RYR3: variants seen among roughly 807,000 people sequenced by gnomAD.
RYR3 encodes brain ryanodine receptor-calcium release channel.
Under a neutral mutation model 584.3 loss-of-function variants are expected in RYR3, and 207 were observed. That is an observed-to-expected ratio of 0.35 (90% CI 0.32 to 0.40). RYR3 has a LOEUF of 0.40. Among genes scored for constraint, RYR3 ranks in the 10% least tolerant of loss-of-function variants. The probability of loss-of-function intolerance (pLI) is 1.00; values close to 1 mark genes in which losing one functional copy is unlikely to be tolerated. For missense variants in RYR3, 5,616 were observed against 6,089.2 expected, an observed-to-expected ratio of 0.92 and a Z score of 2.59; for synonymous variants, 2,416 against 2,248.5, an observed-to-expected ratio of 1.07 and a Z score of -2.11.
At chr15:33,494,314 C>A (rs1266356202) in intron 2 of RYR3, among the ~76,000 whole-genome samples, 3 of 152,124 alleles carry the variant, frequency 2.0e-5, no homozygotes, top group Non-Finnish European at 2.9e-5. Context: ...AATTTGATAA[C>A]CTTCTCCAAT....
chr15:33,749,144 A>G (rs927056221), intron 55 of RYR3, among the ~76,000 whole-genome samples: 1 of 152,192 alleles, frequency 6.6e-6, no homozygotes, highest in South Asian at 2.1e-4. Flanking sequence ...ACCAAAATAA[A>G]TAAGACAGCT....
chr15:33,595,681 A>G (rs1455848139), intron 16 of RYR3, among the ~76,000 whole-genome samples: 2 of 152,128 alleles, frequency 1.3e-5, no homozygotes, highest in African/African-American at 2.4e-5. Context: ...TGAGCCTTCA[A>G]TTGCTATCAG....
chr15:33,563,210 GA>G (rs1238669273), intron 11 of RYR3, among the ~76,000 whole-genome samples, 200 bp downstream of exon 11: 1 of 152,152 alleles, frequency 6.6e-6, no homozygotes, highest in African/African-American at 2.4e-5. Flanking sequence ...TTCAATGGGG[GA>G]AAAAACAAAT....
intron 16 of RYR3, among the ~76,000 whole-genome samples, chr15:33,591,934 A>G (rs1365126466): frequency 6.6e-6 from 1 of 152,242 alleles, no homozygotes; most frequent in Non-Finnish European, 1.5e-5. Context: ...GCTGTGACAA[A>G]AATGCAGCAG....
At chr15:33,416,356 C>A (rs936756141) in intron 1 of RYR3, among the ~76,000 whole-genome samples, 12 of 152,128 alleles carry the variant, frequency 7.9e-5, no homozygotes, top group African/African-American at 2.7e-4. Context: ...TACAACCTTG[C>A]CAGTATCTGT....
At position 33,660,279 on chromosome 15, in the gene RYR3, A is replaced by G; in HGVS notation, c.4478A>G (p.Gln1493Arg). The G allele has an allele frequency of 6.4e-7, 1 of 1,561,050 alleles. No homozygotes were observed. The highest frequency in any genetic ancestry group is 8.7e-7 in the Non-Finnish European group (1 of 1,152,590). The change falls in exon 34 of 104, where the codon CAA becomes CGA. Residue 1493 changes from glutamine to arginine, a missense_variant. Around this residue, in one of 9 missense-constraint regions of RYR3, gnomAD observed 753 missense variants for 741.0 expected, o/e 1.02. Transcript: ENST00000634891. Reference sequence around the variant, plus strand: ...CAGTGTCCACCTCGGCTGGACGTCCAAACCATCCAGCCCGTGCTCTGGAGC... The same window carrying G: ...CAGTGTCCACCTCGGCTGGACGTCCGAACCATCCAGCCCGTGCTCTGGAGC... The part of the protein sequence containing the change: ...VPQCPPRLDV[Q>R]TIQPVLWSRM...
intron 1 of RYR3, among the ~76,000 whole-genome samples, chr15:33,415,498 C>CT (rs200116676): frequency 2.4e-4 from 36 of 150,866 alleles, no homozygotes; most frequent in South Asian, 8.4e-4. Flanking sequence ...AAGAGATACT[C>CT]TTTTTTAAAA....
intron 1 of RYR3, among the ~76,000 whole-genome samples, chr15:33,369,580 A>ATCTATCTGTCTG (rs375511927): frequency 5.5e-4 from 84 of 151,660 alleles, no homozygotes; most frequent in African/African-American, 2.0e-3. Context: ...TCATCTATCT[A>ATCTATCTGTCTG]TCTGTCTGTC....
chr15:33,689,376 AT>A (rs2065260087), intron 38 of RYR3, among the ~76,000 whole-genome samples: 1 of 152,198 alleles, frequency 6.6e-6, no homozygotes, highest in South Asian at 2.1e-4. Flanking sequence ...TAAAAAAAAA[AT>A]CCTACCAAAA....
chr15:33,532,906 C>T (rs1362740822), intron 4 of RYR3, among the ~76,000 whole-genome samples: 2 of 152,106 alleles, frequency 1.3e-5, no homozygotes, highest in African/African-American at 4.8e-5. Context: ...CACTTGAAGC[C>T]AGGCGTTCAA....
At chr15:33,830,514 A>T (rs2077612422) in intron 85 of RYR3, among the ~76,000 whole-genome samples, 1 of 152,242 alleles carries the variant, frequency 6.6e-6, no homozygotes, top group Non-Finnish European at 1.5e-5. Flanking sequence ...TGTATGACTC[A>T]CTTTATTGTA....
At chr15:33,742,232 A>G (rs1277852402) in intron 51 of RYR3, 134 bp from the exon 52 acceptor site, 1 of 671,504 alleles carries the variant, frequency 1.5e-6, no homozygotes. Context: ...CCTGGAGTCC[A>G]GCTTTAGCTT....
rs76332808 is a variant in RYR3, at chr15:33,542,374, G to A, written c.647-1248G>A. 9.2e-3 allele frequency among the ~76,000 whole-genome samples: 1,407 copies of A among 152,176 alleles called. 26 individuals carry two copies. Among genetic ancestry groups the A allele is most frequent in the African/African-American group, 0.032 (1,320 of 41,524 alleles). On this transcript the variant is annotated intron_variant, in intron 7 of 103. Transcript: ENST00000634891. ...ATGGCCTCTCCATCATGAGATGAACGAGAGCTTAATCAAGAGGTTGGTCAT... is the reference window on the plus strand; with the variant it reads ...ATGGCCTCTCCATCATGAGATGAACAAGAGCTTAATCAAGAGGTTGGTCAT...
chr15:33,681,861 C>T (rs964406869), intron 38 of RYR3, among the ~76,000 whole-genome samples: 1 of 152,176 alleles, frequency 6.6e-6, no homozygotes, highest in Non-Finnish European at 1.5e-5. Context: ...AGATACAACA[C>T]CAGCGTAGGT....
intron 10 of RYR3, among the ~76,000 whole-genome samples, chr15:33,562,426 T>G (rs2057459918): frequency 6.6e-6 from 1 of 152,240 alleles, no homozygotes; most frequent in African/African-American, 2.4e-5. Flanking sequence ...GTCAGTGCAT[T>G]TGTGACAGAT....
intron 32 of RYR3, among the ~76,000 whole-genome samples, chr15:33,658,150 G>A (rs568591479): frequency 1.6e-4 from 24 of 152,330 alleles, no homozygotes; most frequent in Non-Finnish European, 3.4e-4. Context: ...CCTCAGTCCA[G>A]GGTCTCACAA....
intron 103 of RYR3, 25 bp downstream of exon 103, chr15:33,864,214 CGTGTTAGA>C: frequency 6.4e-7 from 1 of 1,573,300 alleles, no homozygotes; most frequent in African/African-American, 1.4e-5. Flanking sequence ...ATCATATACC[CGTGTTAGA>C]TCTCCCTTTC....
At chr15:33,340,535 A>G (rs575152403) in intron 1 of RYR3, among the ~76,000 whole-genome samples, 1 of 152,330 alleles carries the variant, frequency 6.6e-6, no homozygotes, top group East Asian at 1.9e-4. Context: ...CTGAATGTCC[A>G]AGATCAAGGT....
chr15:33,401,703 T>A (rs1487316625), intron 1 of RYR3, among the ~76,000 whole-genome samples: 2 of 152,236 alleles, frequency 1.3e-5, no homozygotes, highest in African/African-American at 4.8e-5. Context: ...GAAATAAGGA[T>A]ACATCTCAAA....
Sources: allele counts gnomAD v4.1 joint callset (sites outside exome capture counted in the v4.1 genomes callset), GRCh38; gene constraint gnomAD v4.1.1; regional missense constraint gnomAD v4.1.1; transcripts MANE v1.5; gene names NCBI Gene and HGNC (gene_info 2026-07-23, HGNC 2026-07-21).